The following KALRN variants were observed in gnomAD, a reference collection of about 807,000 sequenced individuals.
KALRN encodes the protein kalirin.
A neutral mutation model predicts 353.7 loss-of-function variants in KALRN; 70 were observed. That is an observed-to-expected ratio of 0.20 (90% CI 0.16 to 0.24). The LOEUF is 0.24. Ranked by LOEUF, KALRN falls within the 10% of genes least tolerant of loss-of-function variation. The pLI is 1.00. For missense variants in KALRN, 2,791 were observed against 3,756.7 expected, an observed-to-expected ratio of 0.74 and a Z score of 6.72; for synonymous variants, 1,391 against 1,434.8, an observed-to-expected ratio of 0.97 and a Z score of 0.69.
intron 34 of KALRN, among the ~76,000 whole-genome samples, chr3:124,564,024 A>G (rs12487301): frequency 3.1e-5 from 4 of 130,236 alleles, no homozygotes; most frequent in African/African-American, 1.2e-4. Context: ...AAAAAAAAAA[A>G]TTAAAAAAAT....
At chr3:124,101,860 T>G (rs758239428) in intron 1 of KALRN, among the ~76,000 whole-genome samples, 13 of 152,280 alleles carry the variant, frequency 8.5e-5, no homozygotes, top group Non-Finnish European at 1.8e-4. Flanking sequence ...TAGCCTGCCA[T>G]GGACTCTGGA....
At chr3:124,555,865 G>A (rs1000672017) in intron 33 of KALRN, among the ~76,000 whole-genome samples, 6 of 152,164 alleles carry the variant, frequency 3.9e-5, no homozygotes, top group Admixed American at 3.9e-4. Flanking sequence ...CATAGGATAA[G>A]AGTAACACAT....
At chr3:124,402,485 A>T (rs1317783154) in intron 13 of KALRN, among the ~76,000 whole-genome samples, 1 of 152,168 alleles carries the variant, frequency 6.6e-6, no homozygotes, top group Non-Finnish European at 1.5e-5. Context: ...ACAAATGTTT[A>T]TTTTGTGATG....
At chr3:124,607,583 G>A (rs2077478548) in intron 34 of KALRN, among the ~76,000 whole-genome samples, 1 of 152,182 alleles carries the variant, frequency 6.6e-6, no homozygotes. Context: ...AGACATAGGA[G>A]AAAATAAGGA....
chr3:124,706,154 G>A (rs1382477912), intron 57 of KALRN, among the ~76,000 whole-genome samples: 1 of 152,118 alleles, frequency 6.6e-6, no homozygotes, highest in Admixed American at 6.5e-5. Flanking sequence ...CAGTCCTCCC[G>A]CCTTGGCCTC....
At chr3:124,220,152 C>T (rs1328356533) in intron 1 of KALRN, among the ~76,000 whole-genome samples, 1 of 152,026 alleles carries the variant, frequency 6.6e-6, no homozygotes, top group African/African-American at 2.4e-5. Flanking sequence ...ATTGTGTTGG[C>T]CAGGCTGGTC....
intron 37 of KALRN, among the ~76,000 whole-genome samples, chr3:124,642,998 G>A (rs1270165335): frequency 2.0e-5 from 3 of 151,736 alleles, no homozygotes; most frequent in Non-Finnish European, 4.4e-5. Context: ...TGTACTTTTA[G>A]TAGAGACAGG....
At chr3:124,712,874 T>C (rs776540767) in intron 57 of KALRN, 61 bp from the exon 58 acceptor site, 11 of 1,226,914 alleles carry the variant, frequency 9.0e-6, no homozygotes, top group African/African-American at 1.5e-5. Context: ...TACTTATCCA[T>C]GAATAAAATA....
chr3:124,103,160 T>C (rs1284661201), intron 1 of KALRN, among the ~76,000 whole-genome samples: 1 of 152,086 alleles, frequency 6.6e-6, no homozygotes, highest in Non-Finnish European at 1.5e-5. Context: ...TGTCAGCAGG[T>C]AGTAGAGCGT....
chr3:124,229,730 C>T (rs1353854948), intron 2 of KALRN, among the ~76,000 whole-genome samples: 1 of 152,242 alleles, frequency 6.6e-6, no homozygotes, highest in Non-Finnish European at 1.5e-5. Flanking sequence ...TGAGGGCAGG[C>T]ATGCAATGGG....
rs773762402 is a variant in KALRN at position 124,462,508 on chromosome 3, T to C, written c.3922-16T>C. The C allele has an allele frequency of 7.5e-6, 11 of 1,466,816 alleles. No individual in the cohort carries two copies. The South Asian group carries it at 1.3e-4, about 17-fold the overall frequency. The allele number at this position is 1,466,816 out of a possible 1,614,324, so 90.9% of individuals were successfully genotyped here. ...CTGCCAGACTTGCCAGTGATGAAACTGTTACTGTCTTACAGACCTACCTGT... is the reference window on the plus strand; with the variant it reads ...CTGCCAGACTTGCCAGTGATGAAACCGTTACTGTCTTACAGACCTACCTGT... On this transcript the variant is annotated splice_polypyrimidine_tract_variant and intron_variant, in intron 24 of 59. Coordinates refer to ENST00000682506, the MANE Select transcript of KALRN (RefSeq NM_001388419.1).
chr3:124,405,195 A>T (rs1172454131), intron 13 of KALRN, among the ~76,000 whole-genome samples: 5 of 152,294 alleles, frequency 3.3e-5, no homozygotes, highest in Non-Finnish European at 7.4e-5. Flanking sequence ...GTCCTTTTTT[A>T]AAAAAATCAG....
chr3:124,357,258 C>T (rs893780565), intron 10 of KALRN, among the ~76,000 whole-genome samples: 3 of 152,204 alleles, frequency 2.0e-5, no homozygotes, highest in African/African-American at 7.2e-5. Context: ...TTATCTCTTG[C>T]TTGGAATACT....
At chr3:124,307,841 C>T (rs2077857370) in intron 6 of KALRN, among the ~76,000 whole-genome samples, 1 of 151,866 alleles carries the variant, frequency 6.6e-6, no homozygotes, top group Admixed American at 6.6e-5. Flanking sequence ...GATTTAAAAA[C>T]CAAGATCCAG....
chr3:124,445,802 C>T (rs2093818567), intron 19 of KALRN, among the ~76,000 whole-genome samples: 1 of 152,170 alleles, frequency 6.6e-6, no homozygotes, highest in Admixed American at 6.5e-5. Context: ...CACCCATGCT[C>T]ATTAGACTCT....
At chr3:124,124,099 C>T (rs1488986165) in intron 1 of KALRN, among the ~76,000 whole-genome samples, 1 of 152,160 alleles carries the variant, frequency 6.6e-6, no homozygotes, top group African/African-American at 2.4e-5. Context: ...ATAGTGATTC[C>T]TCTGATACAT....
chr3:124,274,931 A>G (rs2074545726), intron 5 of KALRN, among the ~76,000 whole-genome samples: 1 of 152,114 alleles, frequency 6.6e-6, no homozygotes, highest in Admixed American at 6.5e-5. Context: ...GCTGAAATGG[A>G]GCTGTGGTGG....
At chr3:124,308,326 A>G (rs747629507) in intron 6 of KALRN, among the ~76,000 whole-genome samples, 39 of 152,158 alleles carry the variant, frequency 2.6e-4, no homozygotes, top group Admixed American at 5.9e-4. Context: ...AATTGAACCA[A>G]CAGACATCTA....
chr3:124,287,269 T>G (rs1419354761), intron 5 of KALRN, among the ~76,000 whole-genome samples: 2 of 152,194 alleles, frequency 1.3e-5, no homozygotes, highest in Non-Finnish European at 2.9e-5. Flanking sequence ...ACCTGTTCTC[T>G]GCTAGACTTT....
Sources: allele counts gnomAD v4.1 joint callset (sites outside exome capture counted in the v4.1 genomes callset), GRCh38; gene constraint gnomAD v4.1.1; transcripts MANE v1.5; gene names NCBI Gene and HGNC (gene_info 2026-07-23, HGNC 2026-07-21).